SOX5: variants seen among roughly 807,000 people sequenced by gnomAD.
SOX5 encodes the protein transcription factor SOX-5.
A neutral mutation model predicts 92.0 loss-of-function variants in SOX5; 9 were observed. The ratio of observed to expected loss-of-function variants is 0.10; its 90% CI spans 0.06 to 0.17. The LOEUF is 0.17. SOX5 is among the 10% of genes least tolerant of loss of function. The pLI is 1.00. For synonymous variants in SOX5, 344 were observed against 336.3 expected, an observed-to-expected ratio of 1.02 and a Z score of -0.25; for missense variants, 642 against 944.5, an observed-to-expected ratio of 0.68 and a Z score of 4.20.
intron 4 of SOX5, among the ~76,000 whole-genome samples, chr12:24,031,644 C>T (rs1159850938): frequency 4.6e-5 from 7 of 151,538 alleles, no homozygotes; most frequent in Non-Finnish European, 7.4e-5. Context: ...CATCTTAAGT[C>T]ATTTATAAAT....
At chr12:23,619,461 A>G (rs957849727) in intron 8 of SOX5, among the ~76,000 whole-genome samples, 2 of 152,180 alleles carry the variant, frequency 1.3e-5, no homozygotes, top group Non-Finnish European at 2.9e-5. Context: ...TAAGAGATCA[A>G]GCTGAAGTTG....
intron 4 of SOX5, among the ~76,000 whole-genome samples, chr12:24,027,082 T>C (rs1954971695): frequency 6.6e-6 from 1 of 152,010 alleles, no homozygotes. Flanking sequence ...ACTATTTACA[T>C]ATTTCTTTCT....
At chr12:24,115,830 T>C (rs1203680471) in intron 4 of SOX5, among the ~76,000 whole-genome samples, 1 of 152,146 alleles carries the variant, frequency 6.6e-6, no homozygotes, top group East Asian at 1.9e-4. Flanking sequence ...CAGAACATCA[T>C]TATGTTTTTT....
At chr12:23,730,222 A>AG (rs2093340523) in intron 6 of SOX5, among the ~76,000 whole-genome samples, 1 of 152,188 alleles carries the variant, frequency 6.6e-6, no homozygotes, top group Non-Finnish European at 1.5e-5. Context: ...AGAGGGAAAA[A>AG]AAAGAGCTTC....
intron 4 of SOX5, among the ~76,000 whole-genome samples, chr12:24,075,152 C>T (rs887745455): frequency 1.3e-5 from 2 of 151,382 alleles, no homozygotes; most frequent in Non-Finnish European, 2.9e-5. Flanking sequence ...GCTTGTAGTT[C>T]TAGATACTTG....
At chr12:23,822,298 T>C (rs1340379636) in intron 3 of SOX5, among the ~76,000 whole-genome samples, 1 of 152,220 alleles carries the variant, frequency 6.6e-6, no homozygotes, top group Non-Finnish European at 1.5e-5. Flanking sequence ...GCTTTAGCTG[T>C]GTCCCAGAGA....
intron 8 of SOX5, among the ~76,000 whole-genome samples, chr12:23,605,097 G>C (rs2075079077): frequency 6.6e-6 from 1 of 152,084 alleles, no homozygotes; most frequent in Non-Finnish European, 1.5e-5. Flanking sequence ...TTAACTGGAT[G>C]CTTGCCAGAA....
intron 4 of SOX5, among the ~76,000 whole-genome samples, chr12:23,755,354 G>A (rs11047085): frequency 0.07 from 10,674 of 151,548 alleles, 1,251 homozygotes; most frequent in African/African-American, 0.24. Context: ...TTTAATTTTT[G>A]AAAATAATTT....
intron 6 of SOX5, among the ~76,000 whole-genome samples, chr12:23,715,579 C>T (rs1220823162): frequency 1.3e-5 from 2 of 152,054 alleles, no homozygotes; most frequent in African/African-American, 4.8e-5. Flanking sequence ...CTCTAAGTAC[C>T]TTAACAACTT....
At chr12:24,544,487 A>G (rs1478612891) in intron 1 of SOX5, among the ~76,000 whole-genome samples, 1 of 152,206 alleles carries the variant, frequency 6.6e-6, no homozygotes, top group Admixed American at 6.5e-5. Context: ...CATAAATTAG[A>G]GCCAGATATA....
At chr12:23,751,530 G>A (rs745692700) in intron 4 of SOX5, among the ~76,000 whole-genome samples, 3 of 151,600 alleles carry the variant, frequency 2.0e-5, no homozygotes, top group South Asian at 2.1e-4. Flanking sequence ...TTATTTAGAC[G>A]TAATTATCCC....
At chr12:24,293,049 T>C (rs1278875825) in intron 2 of SOX5, among the ~76,000 whole-genome samples, 1 of 152,186 alleles carries the variant, frequency 6.6e-6, no homozygotes, top group African/African-American at 2.4e-5. Context: ...TTGAGTGAGA[T>C]ATACTGACAT....
At chr12:24,204,851 T>C (rs1957869103) in intron 4 of SOX5, among the ~76,000 whole-genome samples, 1 of 151,124 alleles carries the variant, frequency 6.6e-6, no homozygotes, top group Non-Finnish European at 1.5e-5. Flanking sequence ...GAGCAGCATG[T>C]GAATGGTTAA....
intron 1 of SOX5, among the ~76,000 whole-genome samples, chr12:23,936,234 C>T (rs1374547002): frequency 6.6e-6 from 1 of 150,828 alleles, no homozygotes. Context: ...GATACAAAAG[C>T]TGAAGGTATT....
At chr12:23,986,208 A>G (rs550605276) in intron 4 of SOX5, among the ~76,000 whole-genome samples, 1 of 152,268 alleles carries the variant, frequency 6.6e-6, no homozygotes, top group South Asian at 2.1e-4. Flanking sequence ...AGTAAGCAAT[A>G]AATCTATCTT....
At chr12:24,396,319 C>T (rs927133393) in intron 1 of SOX5, among the ~76,000 whole-genome samples, 7 of 152,236 alleles carry the variant, frequency 4.6e-5, no homozygotes, top group Middle Eastern at 3.4e-3. Flanking sequence ...TATATCCAGA[C>T]GGTCCATGTA....
At chr12:24,158,677 C>A (rs1184689895) in intron 4 of SOX5, among the ~76,000 whole-genome samples, 2 of 151,920 alleles carry the variant, frequency 1.3e-5, no homozygotes, top group Non-Finnish European at 2.9e-5. Flanking sequence ...AATTTTCACT[C>A]AGAAACTGCC....
intron 1 of SOX5, among the ~76,000 whole-genome samples, chr12:23,923,308 T>TGAAC (rs1238292272): frequency 6.6e-6 from 1 of 151,570 alleles, no homozygotes; most frequent in Non-Finnish European, 1.5e-5. Flanking sequence ...AATGAATGAA[T>TGAAC]GAATGAATGA....
chr12:23,868,990 A>T (rs1345660360), intron 2 of SOX5, among the ~76,000 whole-genome samples: 3 of 152,072 alleles, frequency 2.0e-5, no homozygotes, highest in Non-Finnish European at 4.4e-5. Context: ...ACTTTTTCAC[A>T]TTAAAACATA....
Sources: allele counts gnomAD v4.1 joint callset (sites outside exome capture counted in the v4.1 genomes callset), GRCh38; gene constraint gnomAD v4.1.1; transcripts MANE v1.5; gene names NCBI Gene and HGNC (gene_info 2026-07-23, HGNC 2026-07-21).